Variants in PCCB observed in about 807,000 individuals in gnomAD.
PCCB encodes propionyl-CoA carboxylase beta chain, mitochondrial.
In PCCB, 43 loss-of-function variants were observed where a neutral mutation model predicts 60.7. That is an observed-to-expected ratio of 0.71 (90% CI 0.55 to 0.91). PCCB has a LOEUF of 0.91. Ranked by LOEUF, PCCB falls within the 40% of genes least tolerant of loss-of-function variation. PCCB has a pLI of 0.00. For synonymous variants in PCCB, 276 were observed against 255.9 expected (o/e 1.08, Z -0.75); for missense variants, 766 against 702.8 (o/e 1.09, Z -1.02).
intron 5 of PCCB, among the ~76,000 whole-genome samples, chr3:136,271,374 G>A (rs775150358): frequency 3.3e-5 from 5 of 152,076 alleles, no homozygotes; most frequent in African/African-American, 7.2e-5. Context: ...GTATTTTCTA[G>A]TTCTGTGAAA....
chr3:136,311,807 A>G (rs1934680316), intron 9 of PCCB, among the ~76,000 whole-genome samples: 3 of 152,184 alleles, frequency 2.0e-5, no homozygotes, highest in Non-Finnish European at 4.4e-5. Flanking sequence ...AAAACAAAAC[A>G]TTAAAATAGA....
At chr3:136,260,243 T>A in intron 3 of PCCB, 1 of 570,236 alleles carries the variant, frequency 1.8e-6, no homozygotes, top group East Asian at 3.2e-5. Context: ...GCAGCTAACT[T>A]TTTTCTATAT....
rs144692292 is a variant in PCCB at position 136,314,186 on chromosome 3, A to G, written c.967-2755A>G. ...CAAAGAATGATGGGGACACTTTAGA[A>G]GGACACAGGAACCAGCATGAAGGAA... is the stretch of plus-strand genomic sequence containing the variant. On this transcript the variant is annotated intron_variant, in intron 9 of 14. Coordinates refer to ENST00000251654, the MANE Select transcript of PCCB (RefSeq NM_000532.5). Among the ~76,000 whole-genome samples, 727 of 152,350 alleles carry G rather than the reference A, an allele frequency of 4.8e-3. 2 individuals carry two copies. The highest frequency in any genetic ancestry group is 7.9e-3 in the Non-Finnish European group (535 of 68,036).
chr3:136,251,303 A>G, intron 1 of PCCB: 1 of 456,646 alleles, frequency 2.2e-6, no homozygotes. Flanking sequence ...GTGATCCCTG[A>G]CTTGAAACCA....
chr3:136,302,513 A>T (rs921766872), intron 9 of PCCB, among the ~76,000 whole-genome samples: 1 of 119,464 alleles, frequency 8.4e-6, no homozygotes, highest in Non-Finnish European at 1.9e-5. Flanking sequence ...CTTGTTTGTA[A>T]TTTTTTTCTG....
chr3:136,311,776 A>C (rs1240721931), intron 9 of PCCB, among the ~76,000 whole-genome samples: 1 of 152,198 alleles, frequency 6.6e-6, no homozygotes, highest in Admixed American at 6.5e-5. Flanking sequence ...CCTGGGCAAC[A>C]TAGTGAGACC....
intron 10 of PCCB, among the ~76,000 whole-genome samples, chr3:136,319,578 A>G (rs1935035884): frequency 6.6e-6 from 1 of 152,056 alleles, no homozygotes; most frequent in South Asian, 2.1e-4. Flanking sequence ...TTGTATTTTT[A>G]GTAGAGACGG....
chr3:136,292,118 C>T (rs1160395687), intron 6 of PCCB, among the ~76,000 whole-genome samples: 2 of 152,128 alleles, frequency 1.3e-5, no homozygotes, highest in Non-Finnish European at 2.9e-5. Flanking sequence ...TTTGATGGAC[C>T]TAAGAAAAAC....
rs1941668925 is a variant in PCCB at position 136,256,271 on chromosome 3, G to GT, written c.304-283dup. ...TGTTTCTTTATACGTCCTCCTTCAT[G>GT]TAAGCATAGAGAAGTGGTGGCCCTG... On this transcript the variant is annotated intron_variant, in intron 2 of 14. Coordinates refer to ENST00000251654, the MANE Select transcript of PCCB (RefSeq NM_000532.5). 66 of 566,958 alleles carry GT rather than the reference G, an allele frequency of 1.2e-4. No homozygotes were observed. In the South Asian group the frequency reaches 1.4e-3, roughly 12 times the overall value. 35.1% of individuals were successfully genotyped at this position (566,958 alleles called of 1,614,324 possible). A position where few individuals can be genotyped will look rare whatever the true frequency, so the allele number is the denominator to read the frequency against.
intron 5 of PCCB, among the ~76,000 whole-genome samples, chr3:136,268,094 A>ATATATATATATATATG (rs1265435219): frequency 0.02 from 1,302 of 64,180 alleles, 12 homozygotes; most frequent in Non-Finnish European, 0.029. Flanking sequence ...GTAGATATAT[A>ATATATATATATATATG]TATATATATA....
At chr3:136,325,259 A>C (rs755462285) in intron 10 of PCCB, among the ~76,000 whole-genome samples, 1 of 152,066 alleles carries the variant, frequency 6.6e-6, no homozygotes, top group East Asian at 1.9e-4. Context: ...TCCTGGGCTT[A>C]AGCAGTCCTC....
At chr3:136,278,669 G>T (rs187559946) in intron 5 of PCCB, among the ~76,000 whole-genome samples, 96 of 152,190 alleles carry the variant, frequency 6.3e-4, no homozygotes, top group African/African-American at 2.3e-3. Flanking sequence ...TGTTTTTTAT[G>T]ATTCCAATCA....
chr3:136,320,090 T>C (rs1443448467), intron 10 of PCCB, among the ~76,000 whole-genome samples: 3 of 152,238 alleles, frequency 2.0e-5, no homozygotes, highest in Non-Finnish European at 4.4e-5. Context: ...TCACACTGTT[T>C]TGATTACTGT....
At chr3:136,262,565 T>G (rs1039403269) in intron 5 of PCCB, among the ~76,000 whole-genome samples, 11 of 152,336 alleles carry the variant, frequency 7.2e-5, no homozygotes, top group African/African-American at 2.4e-4. Context: ...TTTGCTTATT[T>G]ACAGACTGAA....
intron 5 of PCCB, among the ~76,000 whole-genome samples, chr3:136,277,297 T>C (rs1333970076): frequency 6.6e-6 from 1 of 152,180 alleles, no homozygotes; most frequent in Non-Finnish European, 1.5e-5. Flanking sequence ...TTTTCTCCTT[T>C]CTGTTCACAG....
At chr3:136,314,032 T>TCACA (rs34354052) in intron 9 of PCCB, among the ~76,000 whole-genome samples, 1,815 of 150,870 alleles carry the variant, frequency 0.012, 29 homozygotes, top group East Asian at 0.047. Context: ...TTAGAAGGAG[T>TCACA]CACACACACA....
At chr3:136,296,460 C>G (rs533278439) in intron 7 of PCCB, among the ~76,000 whole-genome samples, 1 of 152,072 alleles carries the variant, frequency 6.6e-6, no homozygotes, top group Non-Finnish European at 1.5e-5. Flanking sequence ...TTTTTATGGC[C>G]GAATAATATT....
At chr3:136,260,802 A>G (rs938593974) in intron 4 of PCCB, among the ~76,000 whole-genome samples, 4 of 152,228 alleles carry the variant, frequency 2.6e-5, no homozygotes, top group Non-Finnish European at 5.9e-5. Context: ...TAAAAACCAC[A>G]TTTAGAATAT....
intron 9 of PCCB, among the ~76,000 whole-genome samples, 158 bp from the exon 10 acceptor site, chr3:136,316,783 T>C (rs1429118377): frequency 6.6e-6 from 1 of 152,222 alleles, no homozygotes; most frequent in Non-Finnish European, 1.5e-5. Context: ...AGGTGCTGCC[T>C]CTGCCTGTTG....
Sources: gnomAD v4.1 joint callset for allele counts (sites outside exome capture counted in the v4.1 genomes callset) on GRCh38, gnomAD v4.1.1 for gene constraint, MANE v1.5 for transcripts, NCBI Gene and HGNC (gene_info 2026-07-23, HGNC 2026-07-21) for gene names.